The following SMG6 variants were observed in gnomAD, a reference collection of about 807,000 sequenced individuals.
The protein encoded by SMG6 is telomerase-binding protein EST1A.
SMG6 carries 66 observed loss-of-function variants against 142.2 expected under a neutral mutation model. The observed-to-expected ratio is 0.46, with a 90% CI of 0.38 to 0.57. SMG6 has a LOEUF of 0.57. Among genes scored for constraint, SMG6 ranks in the 20% least tolerant of loss-of-function variants. The probability of loss-of-function intolerance (pLI) is 0.00; values close to 1 mark genes in which losing one functional copy is unlikely to be tolerated. For synonymous variants in SMG6, 779 were observed against 702.4 expected (o/e 1.11, Z -1.72); for missense variants, 1,793 against 1,832.0 (o/e 0.98, Z 0.39).
At position 2,231,434 on chromosome 17, in the gene SMG6, A is replaced by G. The variant is rs145985494; in HGVS notation, c.2869+5058T>C. On this transcript the variant is annotated intron_variant, in intron 10 of 18. Coordinates refer to ENST00000263073, the MANE Select transcript of SMG6 (RefSeq NM_017575.5). ...AGCATAAGGCTGGGTGCAGTGGCTC[A>G]TGCCTGTAATCCCAGTAATTTGGGA... Among the ~76,000 whole-genome samples, 895 of 152,334 alleles carry G rather than the reference A, an allele frequency of 5.9e-3. 5 individuals are homozygous for G. Among genetic ancestry groups the G allele is most frequent in the Non-Finnish European group, 0.01 (697 of 68,032 alleles).
At chr17:2,207,272 A>T (rs2072716546) in intron 10 of SMG6, among the ~76,000 whole-genome samples, 1 of 152,134 alleles carries the variant, frequency 6.6e-6, no homozygotes, top group Non-Finnish European at 1.5e-5. Context: ...GCAACAGAGC[A>T]AGACTGTGAC....
At chr17:2,174,427 T>C (rs1363803246) in intron 12 of SMG6, among the ~76,000 whole-genome samples, 1 of 152,102 alleles carries the variant, frequency 6.6e-6, no homozygotes, top group African/African-American at 2.4e-5. Flanking sequence ...GGAGCAGAGG[T>C]ATGGGAACTC....
intron 10 of SMG6, among the ~76,000 whole-genome samples, chr17:2,198,953 A>T (rs990267037): frequency 0.34 from 45,803 of 132,982 alleles, 7,788 homozygotes; most frequent in Middle Eastern, 0.41. Flanking sequence ...ATAAAATTAA[A>T]AAAAAAAAAA....
intron 13 of SMG6, chr17:2,127,660 A>G: frequency 3.5e-6 from 2 of 568,806 alleles, no homozygotes; most frequent in Non-Finnish European, 7.0e-6. Flanking sequence ...CAATTCTTTT[A>G]CTCTGCTCTT....
rs73979440 is a variant in SMG6, at chr17:2,265,868, A to C, written c.2661+16779T>G. 2,623 of 413,316 alleles carry C rather than the reference A, an allele frequency of 6.3e-3. 53 individuals are homozygous for C. The highest frequency in any genetic ancestry group is 0.051 in the African/African-American group (2,357 of 46,306). The allele number at this position is 413,316 out of a possible 1,614,324, so 25.6% of individuals were successfully genotyped here. On this transcript the variant is annotated intron_variant, in intron 8 of 18. Transcript: ENST00000263073. ...AGTGTGATGGAGTATGCTATAAACA[A>C]CACCAATAATGCATATGACAATCTT...
chr17:2,236,468 A>G (rs1308235392), intron 10 of SMG6, 24 bp downstream of exon 10: 1 of 1,606,364 alleles, frequency 6.2e-7, no homozygotes, highest in Non-Finnish European at 8.5e-7. Context: ...TATATTCTAG[A>G]TGAAGAAACT....
chr17:2,268,576 C>T (rs1240458665), intron 8 of SMG6, among the ~76,000 whole-genome samples: 1 of 151,710 alleles, frequency 6.6e-6, no homozygotes, highest in East Asian at 2.0e-4. Flanking sequence ...AGTTTGAAAC[C>T]AGCCTGGTCA....
At chr17:2,136,030 G>GTC (rs892912565) in intron 13 of SMG6, among the ~76,000 whole-genome samples, 3 of 147,704 alleles carry the variant, frequency 2.0e-5, no homozygotes, top group African/African-American at 5.1e-5. Flanking sequence ...GTGTGTGTGT[G>GTC]TGTGTGTCTG....
intron 13 of SMG6, among the ~76,000 whole-genome samples, chr17:2,167,653 T>C (rs565429494): frequency 2.6e-5 from 4 of 152,304 alleles, no homozygotes; most frequent in South Asian, 4.1e-4. Context: ...ACTAGGAAGA[T>C]ACCTGCCTTA....
At chr17:2,185,561 GACAC>G (rs199543267) in intron 12 of SMG6, among the ~76,000 whole-genome samples, 1 of 146,278 alleles carries the variant, frequency 6.8e-6, no homozygotes, top group African/African-American at 2.6e-5. Flanking sequence ...CACCCAGACA[GACAC>G]ACAGACTCCA....
chr17:2,133,140 G>A (rs1433021850), intron 13 of SMG6, among the ~76,000 whole-genome samples: 1 of 152,122 alleles, frequency 6.6e-6, no homozygotes, highest in African/African-American at 2.4e-5. Flanking sequence ...AGATACTCGG[G>A]AGGCTGAGGC....
chr17:2,241,991 A>C (rs991176385), intron 9 of SMG6, among the ~76,000 whole-genome samples: 1 of 152,200 alleles, frequency 6.6e-6, no homozygotes, highest in Non-Finnish European at 1.5e-5. Context: ...CATTTGGTGC[A>C]CAGTGGGAAG....
At position 2,186,748 on chromosome 17, in the gene SMG6, G is replaced by C; in HGVS notation, c.3070C>G (p.Pro1024Ala). 6.2e-7 allele frequency: 1 copy of C among 1,614,216 alleles called. No individual in the cohort carries two copies. Among genetic ancestry groups the C allele is most frequent in the African/African-American group, 1.3e-5 (1 of 75,042 alleles). ...SFVPDLKELL[P>A]SVKVWSDWML... ...CAATCTGACCAGACTTTGACACTGG[G>C]GAGCAGCTCCTTCAGGTCCGGGACA... The change falls in exon 12 of 19, where the codon CCC becomes GCC. Residue 1024 changes from proline to alanine, a missense_variant. Coordinates refer to ENST00000263073, the MANE Select transcript of SMG6 (RefSeq NM_017575.5).
At chr17:2,244,782 A>C in intron 8 of SMG6, 63 bp from the exon 9 acceptor site, 2 of 1,382,146 alleles carry the variant, frequency 1.4e-6, no homozygotes, top group Non-Finnish European at 2.1e-6. Context: ...GTTACTGAAC[A>C]GAGTCCCCAG....
chr17:2,093,713 T>C (rs568861539), intron 13 of SMG6, among the ~76,000 whole-genome samples: 20 of 152,304 alleles, frequency 1.3e-4, no homozygotes, highest in Non-Finnish European at 8.8e-5. Context: ...TTGTCCAGGC[T>C]GGAGTTTGCA....
intron 9 of SMG6, chr17:2,237,559 C>A: frequency 1.0e-6 from 1 of 985,488 alleles, no homozygotes; most frequent in Non-Finnish European, 1.2e-6. Flanking sequence ...TCTCACAAGG[C>A]TCTGCTCATC....
chr17:2,198,887 C>T (rs866201559), intron 10 of SMG6, among the ~76,000 whole-genome samples: 3 of 145,214 alleles, frequency 2.1e-5, no homozygotes, highest in African/African-American at 5.1e-5. Flanking sequence ...TGCCCAGTTG[C>T]GGCTCCTCAC....
At chr17:2,141,829 G>C (rs2151575510) in intron 13 of SMG6, among the ~76,000 whole-genome samples, 1 of 152,248 alleles carries the variant, frequency 6.6e-6, no homozygotes, top group South Asian at 2.1e-4. Flanking sequence ...GAAAACTGGA[G>C]GACTATTTTT....
At chr17:2,134,440 A>G (rs902177808) in intron 13 of SMG6, among the ~76,000 whole-genome samples, 2 of 150,762 alleles carry the variant, frequency 1.3e-5, no homozygotes, top group Non-Finnish European at 3.0e-5. Flanking sequence ...AAAAAAAAAA[A>G]AAAAAAAAGA....
Sources: gnomAD v4.1 joint callset for allele counts (sites outside exome capture counted in the v4.1 genomes callset) on GRCh38, gnomAD v4.1.1 for gene constraint, MANE v1.5 for transcripts, NCBI Gene and HGNC (gene_info 2026-07-23, HGNC 2026-07-21) for gene names.